Variants in TFCP2L1 observed in about 807,000 individuals in gnomAD.
TFCP2L1 encodes transcription factor CP2-like protein 1.
A neutral mutation model predicts 72.2 loss-of-function variants in TFCP2L1; 12 were observed. The observed-to-expected ratio is 0.17, with a 90% confidence interval of 0.11 to 0.27. TFCP2L1 has a LOEUF of 0.27. TFCP2L1 is among the 10% of genes least tolerant of loss of function. The pLI, the probability that TFCP2L1 is intolerant of heterozygous loss-of-function variation, is 1.00. For synonymous variants in TFCP2L1, 260 were observed against 251.0 expected (o/e 1.04, Z -0.34); for missense variants, 488 against 624.6 (o/e 0.78, Z 2.33).
intron 10 of TFCP2L1, among the ~76,000 whole-genome samples, chr2:121,235,575 T>TTTC (rs1491549078): frequency 8.7e-5 from 1 of 11,528 alleles, no homozygotes; most frequent in African/African-American, 3.2e-4. Context: ...TCTTTCTTTC[T>TTTC]TTTTTTTTTT....
chr2:121,237,172 G>T (rs528182876), intron 10 of TFCP2L1, among the ~76,000 whole-genome samples: 1 of 152,304 alleles, frequency 6.6e-6, no homozygotes, highest in South Asian at 2.1e-4. Context: ...ATCAGGAAGG[G>T]CTCTGACACT....
chr2:121,255,099 C>T (rs2104717152), intron 2 of TFCP2L1, among the ~76,000 whole-genome samples: 1 of 152,342 alleles, frequency 6.6e-6, no homozygotes, highest in Admixed American at 6.5e-5. Context: ...CAGAACCCAC[C>T]ACACTTGCCA....
chr2:121,265,949 T>A (rs2104739707), intron 2 of TFCP2L1, among the ~76,000 whole-genome samples: 1 of 149,782 alleles, frequency 6.7e-6, no homozygotes, highest in African/African-American at 2.5e-5. Context: ...CAGTGCAGCC[T>A]CGACCTCCGG....
chr2:121,249,692 A>T (rs760871213), intron 2 of TFCP2L1, 45 bp from the exon 3 acceptor site: 1 of 1,602,176 alleles, frequency 6.2e-7, no homozygotes, highest in Non-Finnish European at 8.6e-7. Context: ...GAGTATTTCT[A>T]AATTTGGGGT....
chr2:121,264,191 A>G (rs904811301), intron 2 of TFCP2L1, among the ~76,000 whole-genome samples: 2 of 152,194 alleles, frequency 1.3e-5, no homozygotes, highest in Non-Finnish European at 2.9e-5. Context: ...CAGCCCACCC[A>G]GCCACTGGCT....
intron 12 of TFCP2L1, 74 bp downstream of exon 12, chr2:121,234,017 G>A: frequency 7.5e-7 from 1 of 1,332,866 alleles, no homozygotes; most frequent in Non-Finnish European, 1.1e-6. Context: ...AATGAACAGA[G>A]GCCAGACTGC....
At chr2:121,280,018 A>G (rs1341211499) in intron 2 of TFCP2L1, among the ~76,000 whole-genome samples, 1 of 152,180 alleles carries the variant, frequency 6.6e-6, no homozygotes, top group Non-Finnish European at 1.5e-5. Flanking sequence ...ACGCATACTC[A>G]TAATCATGAT....
Position 121,226,380 on chromosome 2 carries a change from T to C in TFCP2L1, c.1342-767A>G, listed in dbSNP as rs1202101297. Among the ~76,000 whole-genome samples the C allele has an allele frequency of 1.3e-5, 2 of 151,872 alleles. 1 individual carries two copies. The highest frequency in any genetic ancestry group is 2.9e-5 in the Non-Finnish European group (2 of 68,000). On this transcript the variant is annotated intron_variant, in intron 13 of 14. Transcript: ENST00000263707. The stretch of plus-strand genomic sequence containing the variant: ...TTACCATTTAATACTGGACCACTGA[T>C]TTATGTTTGTTTGCACTATTTTTGC...
chr2:121,269,918 A>AAAAAAAAAAAAATAT lies in TFCP2L1; in HGVS notation c.214+11201_214+11202insATATTTTTTTTTTTT. Among the ~76,000 whole-genome samples, 779 of 114,830 alleles carry AAAAAAAAAAAAATAT rather than the reference A, an allele frequency of 6.8e-3. 31 individuals are homozygous for AAAAAAAAAAAAATAT. The highest frequency in any genetic ancestry group is 0.026 in the African/African-American group (690 of 26,612). 75.3% of individuals were successfully genotyped at this position (114,830 alleles called of 152,430 possible). A position where few individuals can be genotyped will look rare whatever the true frequency, so the allele number is the denominator to read the frequency against. On this transcript the variant is annotated intron_variant, in intron 2 of 14. Transcript: ENST00000263707. ...AGCAAGACTCCATCTAAAAAAAAAA[A>AAAAAAAAAAAAATAT]ATATATATATATATATATGCAAAAG...
chr2:121,239,502 G>C, intron 8 of TFCP2L1, 56 bp downstream of exon 8: 1 of 1,588,330 alleles, frequency 6.3e-7, no homozygotes, highest in Non-Finnish European at 8.6e-7. Flanking sequence ...GACTAAGAAA[G>C]GAAAGTACAC....
chr2:121,242,793 A>T (rs1316009672), intron 6 of TFCP2L1, among the ~76,000 whole-genome samples: 1 of 152,188 alleles, frequency 6.6e-6, no homozygotes, highest in African/African-American at 2.4e-5. Flanking sequence ...AAAGTGGAAG[A>T]AGTACAGGCT....
chr2:121,278,751 C>G (rs1687198116), intron 2 of TFCP2L1, among the ~76,000 whole-genome samples: 1 of 150,208 alleles, frequency 6.7e-6, no homozygotes, highest in African/African-American at 2.5e-5. Context: ...CACCTGTAAT[C>G]CCAGCACTTT....
chr2:121,258,511 G>A (rs1465761348), intron 2 of TFCP2L1, among the ~76,000 whole-genome samples: 1 of 152,210 alleles, frequency 6.6e-6, no homozygotes, highest in African/African-American at 2.4e-5. Flanking sequence ...TTCACCCAGT[G>A]GTGCTGTTAG....
At chr2:121,249,719 C>T (rs1686566403) in intron 2 of TFCP2L1, 72 bp from the exon 3 acceptor site, 1 of 1,481,740 alleles carries the variant, frequency 6.7e-7, no homozygotes, top group Non-Finnish European at 9.4e-7. Context: ...AGCTAGCAGC[C>T]TTCTCAACAC....
At position 121,224,406 on chromosome 2, in the gene TFCP2L1, G is replaced by T. The variant is rs1283784867; in HGVS notation, c.1394-19C>A. On this transcript the variant is annotated intron_variant, in intron 14 of 14. Transcript: ENST00000263707. ...CTCTCAGCTGCAAGAGAGAAACACT[G>T]GGTGTATTTCACAGGAAAAAAGGTG... is the stretch of plus-strand genomic sequence containing the variant. The T allele has an allele frequency of 6.2e-7, 1 of 1,613,144 alleles. No homozygotes were observed. Among genetic ancestry groups the T allele is most frequent in the Non-Finnish European group, 8.5e-7 (1 of 1,179,668 alleles).
intron 2 of TFCP2L1, among the ~76,000 whole-genome samples, chr2:121,267,110 G>T (rs1016881035): frequency 6.6e-6 from 1 of 151,952 alleles, no homozygotes; most frequent in African/African-American, 2.4e-5. Flanking sequence ...TAGAGATGAG[G>T]TTTCACCATG....
intron 2 of TFCP2L1, among the ~76,000 whole-genome samples, chr2:121,261,023 A>G (rs1313303158): frequency 6.6e-6 from 1 of 152,222 alleles, no homozygotes; most frequent in African/African-American, 2.4e-5. Context: ...CAGAAAGCAC[A>G]ATCCTGAACT....
At chr2:121,279,101 A>G (rs192551453) in intron 2 of TFCP2L1, among the ~76,000 whole-genome samples, 3 of 152,244 alleles carry the variant, frequency 2.0e-5, no homozygotes, top group East Asian at 1.9e-4. Flanking sequence ...CAGACACACA[A>G]TATCTTGGTC....
At chr2:121,239,223 C>T (rs967043470) in intron 8 of TFCP2L1, among the ~76,000 whole-genome samples, 3 of 152,216 alleles carry the variant, frequency 2.0e-5, no homozygotes, top group African/African-American at 4.8e-5. Context: ...GGAAAGGCCC[C>T]CCAGACAGCT....
Sources: gnomAD v4.1 joint callset for allele counts (sites outside exome capture counted in the v4.1 genomes callset) on GRCh38, gnomAD v4.1.1 for gene constraint, MANE v1.5 for transcripts, NCBI Gene and HGNC (gene_info 2026-07-23, HGNC 2026-07-21) for gene names.